The following JHY variants were observed in gnomAD, a reference collection of about 807,000 sequenced individuals.
JHY encodes jhy protein homolog.
In JHY, 69 loss-of-function variants were observed where a neutral mutation model predicts 78.0. That is an observed-to-expected ratio of 0.88 (90% CI 0.73 to 1.08). The LOEUF (loss-of-function observed/expected upper bound fraction) is 1.08, where lower values mean the gene tolerates loss of function less well. JHY is among the 50% of genes least tolerant of loss of function. The pLI is 0.00. For missense variants in JHY, 944 were observed against 927.8 expected, an observed-to-expected ratio of 1.02 and a Z score of -0.23; for synonymous variants, 368 against 342.6, an observed-to-expected ratio of 1.07 and a Z score of -0.82.
At chr11:122,889,081 C>T (rs1415791502) in intron 2 of JHY, among the ~76,000 whole-genome samples, 1 of 152,130 alleles carries the variant, frequency 6.6e-6, no homozygotes, top group Admixed American at 6.5e-5. Flanking sequence ...CTCACAAGTG[C>T]CTGCAAGTTA....
intron 3 of JHY, among the ~76,000 whole-genome samples, chr11:122,915,857 C>T (rs1863222739): frequency 6.6e-6 from 1 of 152,114 alleles, no homozygotes; most frequent in African/African-American, 2.4e-5. Context: ...AGTTAGGGCA[C>T]TGCAGGCAAA....
At chr11:122,956,423 A>G (rs919343995) in intron 6 of JHY, 73 bp from the exon 7 acceptor site, 23 of 1,285,478 alleles carry the variant, frequency 1.8e-5, no homozygotes, top group Middle Eastern at 1.9e-4. Flanking sequence ...TGGCTATGAC[A>G]CCTTACAGGG....
At chr11:122,922,830 A>C (rs1229555388) in intron 3 of JHY, among the ~76,000 whole-genome samples, 2 of 150,502 alleles carry the variant, frequency 1.3e-5, no homozygotes, top group East Asian at 3.9e-4. Flanking sequence ...AAAAAAAAAA[A>C]AAAAAACCAG....
intron 2 of JHY, among the ~76,000 whole-genome samples, chr11:122,886,646 T>C (rs3107612): frequency 0.95 from 145,047 of 152,236 alleles, 69,148 homozygotes; most frequent in Middle Eastern, 0.99. Flanking sequence ...TGGGAGCTCA[T>C]TATGTTGGCC....
chr11:122,959,233 T>A lies in JHY; in HGVS notation c.2140-15T>A. ...ACTTCCCATTTCAAATAAAATTTCA[T>A]CTTTATGCGTTTAGGCTTTGGAATA... is the stretch of plus-strand genomic sequence containing the variant. On this transcript the variant is annotated splice_polypyrimidine_tract_variant and intron_variant, in intron 8 of 8. Transcript: ENST00000227349. 6.3e-7 allele frequency: 1 copy of A among 1,598,192 alleles called. No individual in the cohort carries two copies. The highest frequency in any genetic ancestry group is 8.5e-7 in the Non-Finnish European group (1 of 1,174,526).
At chr11:122,929,405 T>C (rs973522423) in intron 4 of JHY, among the ~76,000 whole-genome samples, 5 of 152,016 alleles carry the variant, frequency 3.3e-5, no homozygotes, top group African/African-American at 9.7e-5. Context: ...ATAACCCCCA[T>C]AGGAGTCAGT....
chr11:122,909,434 C>T (rs1401812018), intron 3 of JHY, among the ~76,000 whole-genome samples: 3 of 152,110 alleles, frequency 2.0e-5, no homozygotes, highest in African/African-American at 7.2e-5. Flanking sequence ...CCTCTCTGTG[C>T]CTCAGTCTCC....
chr11:122,933,244 G>A (rs979352591), intron 4 of JHY, among the ~76,000 whole-genome samples: 1 of 152,114 alleles, frequency 6.6e-6, no homozygotes, highest in Non-Finnish European at 1.5e-5. Flanking sequence ...TCATCCAACT[G>A]TTGCATTTTT....
chr11:122,887,990 A>C (rs369818474), intron 2 of JHY, among the ~76,000 whole-genome samples: 89 of 148,474 alleles, frequency 6.0e-4, no homozygotes, highest in African/African-American at 2.1e-3. Flanking sequence ...AGCGAGAAGT[A>C]GAGCCCGGTC....
chr11:122,942,501 G>A (rs546071449), intron 5 of JHY, among the ~76,000 whole-genome samples: 1 of 152,138 alleles, frequency 6.6e-6, no homozygotes, highest in South Asian at 2.1e-4. Flanking sequence ...TTGGCTCACT[G>A]CAACCTCCAT....
chr11:122,934,585 G>A lies in JHY; in HGVS notation c.1144G>A (p.Glu382Lys). Residue 382 changes from glutamate to lysine, a missense_variant, in exon 5 of 9, where the codon GAA becomes AAA. Physicochemically the swap from Glu to Lys is moderately conservative, Grantham distance 56 (BLOSUM62 1). Coordinates refer to ENST00000227349, the MANE Select transcript of JHY (RefSeq NM_024806.4). ...HQNGLKSSTT[E>K]EVTASQGNQN... ...GAATGGCCTGAAGTCTTCCACAACGGAAGAGGTGACTGCCAGTCAGGGGAA... is the reference window on the plus strand; with the variant it reads ...GAATGGCCTGAAGTCTTCCACAACGAAAGAGGTGACTGCCAGTCAGGGGAA... 2 of 1,614,094 alleles carry A rather than the reference G, an allele frequency of 1.2e-6. No individual in the cohort carries two copies.
At chr11:122,943,696 C>A (rs1277566359) in intron 5 of JHY, among the ~76,000 whole-genome samples, 1 of 152,036 alleles carries the variant, frequency 6.6e-6, no homozygotes, top group Non-Finnish European at 1.5e-5. Context: ...CTGATGTAAT[C>A]AATATTTTTA....
chr11:122,913,871 G>T (rs1313332161), intron 3 of JHY, among the ~76,000 whole-genome samples: 1 of 152,004 alleles, frequency 6.6e-6, no homozygotes, highest in Non-Finnish European at 1.5e-5. Flanking sequence ...AATATTTGAT[G>T]AAGAAATGTA....
At chr11:122,889,654 T>G (rs1276716727) in intron 2 of JHY, among the ~76,000 whole-genome samples, 1 of 152,170 alleles carries the variant, frequency 6.6e-6, no homozygotes, top group Non-Finnish European at 1.5e-5. Flanking sequence ...TGATTATACT[T>G]ATATGTTCAT....
Position 122,886,168 on chromosome 11 carries a change from A to G in JHY, c.319A>G (p.Thr107Ala), listed in dbSNP as rs755726738. The change falls in exon 2 of 9, where the codon ACC becomes GCC. Residue 107 changes from threonine (T) to alanine (A), a missense_variant. By Grantham distance (58) the Thr-to-Ala change is moderately conservative (BLOSUM62 0). Transcript: ENST00000227349. ...AQMAREQNHH[T>A]WDQGANNRQQ... ...GATGGCTCGCGAGCAAAACCACCAT[A>G]CCTGGGACCAGGGCGCCAATAACAG... 1.9e-6 allele frequency: 3 copies of G among 1,612,054 alleles called. No individual in the cohort carries two copies. Among genetic ancestry groups the G allele is most frequent in the East Asian group, 4.5e-5 (2 of 44,838 alleles).
At chr11:122,931,696 A>G (rs2135351099) in intron 4 of JHY, among the ~76,000 whole-genome samples, 1 of 152,314 alleles carries the variant, frequency 6.6e-6, no homozygotes, top group South Asian at 2.1e-4. Context: ...GAGTCAGGTT[A>G]ACTAAGAGCA....
chr11:122,959,611 T>C lies in JHY; in HGVS notation c.*166T>C. 2 of 641,008 alleles carry C rather than the reference T, an allele frequency of 3.1e-6. No homozygotes were observed. Among genetic ancestry groups the C allele is most frequent in the Non-Finnish European group, 5.2e-6 (2 of 386,602 alleles). The allele number at this position is 641,008 out of a possible 1,614,324, so 39.7% of individuals were successfully genotyped here. Reference sequence around the variant, plus strand: ...TAAAATATGAGGCCCAATTGGATTATGGTGCCATATTTTACTTTCTAGGAA... The same window carrying C: ...TAAAATATGAGGCCCAATTGGATTACGGTGCCATATTTTACTTTCTAGGAA... On this transcript the variant is annotated 3_prime_UTR_variant, in exon 9 of 9. Coordinates refer to ENST00000227349, the MANE Select transcript of JHY (RefSeq NM_024806.4).
In JHY at chr11:122,885,802, G is replaced by T; in HGVS notation, c.-48G>T. On this transcript the variant is annotated 5_prime_UTR_variant, in exon 2 of 9. Coordinates refer to ENST00000227349, the MANE Select transcript of JHY (RefSeq NM_024806.4). ...CCACAACTTTAAATATCAGCCAGCT[G>T]CTCCTATCAACACGAGTATCCCCTG... 7.1e-7 allele frequency: 1 copy of T among 1,408,862 alleles called. No homozygotes were observed. Among genetic ancestry groups the T allele is most frequent in the South Asian group, 1.3e-5 (1 of 76,226 alleles). 87.3% of individuals were successfully genotyped at this position (1,408,862 alleles called of 1,614,324 possible).
intron 3 of JHY, among the ~76,000 whole-genome samples, chr11:122,912,016 G>C (rs1264714627): frequency 6.6e-6 from 1 of 151,704 alleles, no homozygotes; most frequent in Non-Finnish European, 1.5e-5. Flanking sequence ...GTTGGGCATG[G>C]TGGCTCATGC....
Sources: gnomAD v4.1 joint callset for allele counts (sites outside exome capture counted in the v4.1 genomes callset) on GRCh38, gnomAD v4.1.1 for gene constraint, MANE v1.5 for transcripts, NCBI Gene and HGNC (gene_info 2026-07-23, HGNC 2026-07-21) for gene names.